Variants in LARS2 observed in about 807,000 individuals in gnomAD.
LARS2 encodes leucyl-tRNA synthetase 2, mitochondrial.
A neutral mutation model predicts 116.6 loss-of-function variants in LARS2; 81 were observed. The observed-to-expected ratio is 0.69, with a 90% CI of 0.58 to 0.84. The LOEUF is 0.84. LARS2 is among the 40% of genes least tolerant of loss of function. The pLI, the probability that LARS2 is intolerant of heterozygous loss-of-function variation, is 0.00. For missense variants in LARS2, 968 were observed against 1,114.5 expected (o/e 0.87, Z 1.87); for synonymous variants, 396 against 407.2 (o/e 0.97, Z 0.33).
At chr3:45,517,261 G>T (rs1700382071) in intron 17 of LARS2, among the ~76,000 whole-genome samples, 1 of 152,222 alleles carries the variant, frequency 6.6e-6, no homozygotes, top group Non-Finnish European at 1.5e-5. Context: ...TCAGGCTTGA[G>T]AATGCCTAGC....
At chr3:45,436,687 G>A (rs1047075649) in intron 6 of LARS2, among the ~76,000 whole-genome samples, 3 of 151,810 alleles carry the variant, frequency 2.0e-5, no homozygotes, top group Admixed American at 6.6e-5. Flanking sequence ...CCAGCTACTC[G>A]GGAGGCTGAG....
intron 4 of LARS2, among the ~76,000 whole-genome samples, chr3:45,406,287 C>G (rs1310658291): frequency 6.6e-6 from 1 of 152,056 alleles, no homozygotes; most frequent in African/African-American, 2.4e-5. Context: ...GTGTAATGAT[C>G]CCCTGAGGAG....
chr3:45,412,552 T>G (rs141863854), intron 4 of LARS2, among the ~76,000 whole-genome samples: 2 of 152,352 alleles, frequency 1.3e-5, no homozygotes, highest in East Asian at 3.9e-4. Flanking sequence ...AAGCTTGTAT[T>G]ACGTTTGTAA....
rs551101156 is a variant in LARS2, at chr3:45,488,465, G to A, written c.1124-232G>A. 2.6e-5 allele frequency among the ~76,000 whole-genome samples: 4 copies of A among 152,214 alleles called. No homozygotes were observed. The South Asian group carries it at 6.2e-4, about 24-fold the overall frequency. ...AAACAAAAACAAAAACTAAGCAGAG[G>A]AAAAAGACTTAAAGGAAGTAATACC... On this transcript the variant is annotated intron_variant, in intron 11 of 21. Transcript: ENST00000645846.
chr3:45,471,909 A>T (rs552809784), intron 8 of LARS2, among the ~76,000 whole-genome samples: 33 of 152,320 alleles, frequency 2.2e-4, no homozygotes, highest in African/African-American at 7.5e-4. Context: ...CATATTCAAG[A>T]TCTACTTTTG....
chr3:45,428,072 C>T (rs1200271542), intron 6 of LARS2, among the ~76,000 whole-genome samples: 12 of 152,028 alleles, frequency 7.9e-5, no homozygotes, highest in Middle Eastern at 3.4e-3. Flanking sequence ...CCACCCGCCT[C>T]GGCCTCCCAA....
At chr3:45,539,096 A>T (rs1430992347) in intron 20 of LARS2, among the ~76,000 whole-genome samples, 1 of 152,246 alleles carries the variant, frequency 6.6e-6, no homozygotes, top group Non-Finnish European at 1.5e-5. Flanking sequence ...GATATATTCA[A>T]CAAATTGGGT....
Position 45,400,914 on chromosome 3 carries a change from C to T in LARS2, c.363+541C>T, listed in dbSNP as rs373337296. On this transcript the variant is annotated intron_variant, in intron 4 of 21. Transcript: ENST00000645846. ...CTGCAACCTCCCCCTCCCGGGTTCACGCCATTCTCCTGCCTCAGCCTCCCG... is the reference window on the plus strand; with the variant it reads ...CTGCAACCTCCCCCTCCCGGGTTCATGCCATTCTCCTGCCTCAGCCTCCCG... Among the ~76,000 whole-genome samples, 173 of 151,900 alleles carry T rather than the reference C, an allele frequency of 1.1e-3. 2 individuals are homozygous for T. The highest frequency in any genetic ancestry group is 3.3e-3 in the African/African-American group (138 of 41,438).
intron 9 of LARS2, 118 bp from the exon 10 acceptor site, chr3:45,476,350 T>C: frequency 9.4e-7 from 1 of 1,067,708 alleles, no homozygotes; most frequent in Non-Finnish European, 1.4e-6. Context: ...GGCCCAGTGG[T>C]CAGAGCTGTG....
intron 7 of LARS2, among the ~76,000 whole-genome samples, chr3:45,454,978 C>T (rs1490411216): frequency 6.6e-6 from 1 of 152,172 alleles, no homozygotes; most frequent in Non-Finnish European, 1.5e-5. Flanking sequence ...GAATCTGCAA[C>T]TCTGTGGCTG....
intron 2 of LARS2, among the ~76,000 whole-genome samples, chr3:45,392,986 G>A (rs555548361): frequency 8.6e-4 from 131 of 152,202 alleles, no homozygotes; most frequent in African/African-American, 2.9e-3. Context: ...ATTTAGTCTA[G>A]TATTTATATC....
intron 10 of LARS2, among the ~76,000 whole-genome samples, chr3:45,480,257 G>A (rs768193678): frequency 3.3e-5 from 5 of 152,208 alleles, no homozygotes; most frequent in Non-Finnish European, 5.9e-5. Flanking sequence ...CTGTGCTAAT[G>A]TGCACTGTGA....
intron 6 of LARS2, among the ~76,000 whole-genome samples, chr3:45,442,287 G>A (rs1698926525): frequency 6.6e-6 from 1 of 152,206 alleles, no homozygotes. Flanking sequence ...ACAGACACAG[G>A]GTTCCCCCTT....
intron 20 of LARS2, among the ~76,000 whole-genome samples, chr3:45,528,115 T>A (rs1418530094): frequency 6.6e-6 from 1 of 152,124 alleles, no homozygotes; most frequent in Non-Finnish European, 1.5e-5. Context: ...GGCAGGAGGA[T>A]CACTTGAGCC....
At chr3:45,539,020 A>G (rs1311739680) in intron 20 of LARS2, among the ~76,000 whole-genome samples, 1 of 152,212 alleles carries the variant, frequency 6.6e-6, no homozygotes, top group Non-Finnish European at 1.5e-5. Context: ...TCAGAAGTGA[A>G]CAGTTTTTGA....
At chr3:45,400,504 A>G (rs1698128066) in intron 4 of LARS2, 131 bp downstream of exon 4, 5 of 831,544 alleles carry the variant, frequency 6.0e-6, no homozygotes, top group Non-Finnish European at 8.8e-6. Flanking sequence ...GATGGACATG[A>G]AAAGCTCAGT....
chr3:45,463,367 C>T (rs944852002), intron 8 of LARS2, among the ~76,000 whole-genome samples: 2 of 152,236 alleles, frequency 1.3e-5, no homozygotes, highest in African/African-American at 4.8e-5. Flanking sequence ...GGTGCTTAGT[C>T]AACCCCCATA....
intron 8 of LARS2, among the ~76,000 whole-genome samples, chr3:45,468,078 G>A (rs1393305841): frequency 2.0e-5 from 3 of 151,650 alleles, no homozygotes; most frequent in Non-Finnish European, 2.9e-5. Context: ...CAGCCTGGGC[G>A]ACAGAGTGAG....
chr3:45,499,259 T>C (rs1441738503), intron 14 of LARS2, among the ~76,000 whole-genome samples: 1 of 152,168 alleles, frequency 6.6e-6, no homozygotes, highest in Non-Finnish European at 1.5e-5. Flanking sequence ...CTGACCAACA[T>C]GGCAAAACCC....
Sources: allele counts gnomAD v4.1 joint callset (sites outside exome capture counted in the v4.1 genomes callset), GRCh38; gene constraint gnomAD v4.1.1; transcripts MANE v1.5; gene names NCBI Gene and HGNC (gene_info 2026-07-23, HGNC 2026-07-21).